MOBP: variants seen among roughly 807,000 people sequenced by gnomAD.
MOBP encodes the protein myelin-associated oligodendrocyte basic protein.
MOBP carries 5 observed loss-of-function variants against 15.0 expected under a neutral mutation model. The observed-to-expected ratio is 0.33, with a 90% CI of 0.17 to 0.70. MOBP has a LOEUF of 0.70. MOBP is among the 30% of genes least tolerant of loss of function. The pLI, the probability that MOBP is intolerant of heterozygous loss-of-function variation, is 0.67. For missense variants in MOBP, 188 were observed against 257.8 expected (o/e 0.73, Z 1.85); for synonymous variants, 88 against 99.0 (o/e 0.89, Z 0.66).
chr3:39,491,191 C>T (rs7624855), intron 2 of MOBP, among the ~76,000 whole-genome samples: 9,079 of 152,158 alleles, frequency 0.06, 768 homozygotes, highest in African/African-American at 0.18. Flanking sequence ...TGATGTCATC[C>T]TCTGGACTGT....
At chr3:39,497,561 G>T (rs1348793973) in intron 2 of MOBP, among the ~76,000 whole-genome samples, 1 of 152,160 alleles carries the variant, frequency 6.6e-6, no homozygotes, top group Admixed American at 6.5e-5. Context: ...CACAGATGTG[G>T]ATTCAAATCC....
At chr3:39,513,770 G>A in exon 5 of MOBP, 1 of 275,838 alleles carries the variant, frequency 3.6e-6, no homozygotes, top group Non-Finnish European at 6.7e-6. Context: ...GGTCAGGGTG[G>A]CTCAAGTGCC....
chr3:39,517,808 G>A (rs1433776499), downstream of MOBP: 2 of 152,168 alleles, frequency 1.3e-5, no homozygotes, highest in East Asian at 3.8e-4. Context: ...ACACAGATGA[G>A]GAAACAGTCC....
chr3:39,520,056 T>C (rs2043247702), downstream of MOBP, among the ~76,000 whole-genome samples: 1 of 152,068 alleles, frequency 6.6e-6, no homozygotes, highest in Non-Finnish European at 1.5e-5. Context: ...ATATTCTTAT[T>C]GCTCTGGACT....
chr3:39,495,705 A>G (rs1327163886), intron 2 of MOBP, among the ~76,000 whole-genome samples: 3 of 142,132 alleles, frequency 2.1e-5, no homozygotes, highest in Non-Finnish European at 4.5e-5. Context: ...GTGAACTGTG[A>G]TTGCACCACT....
At chr3:39,506,082 C>G (rs542882307), downstream of MOBP, among the ~76,000 whole-genome samples, 21 of 152,238 alleles carry the variant, frequency 1.4e-4, no homozygotes, top group South Asian at 3.9e-3. Flanking sequence ...ATCTTCCAAC[C>G]TCTTATCTCC....
chr3:39,495,598 A>C (rs2042866792), intron 2 of MOBP, among the ~76,000 whole-genome samples: 1 of 151,792 alleles, frequency 6.6e-6, no homozygotes, highest in Non-Finnish European at 1.5e-5. Flanking sequence ...CAGAAGAAAA[A>C]AAAAATTAGC....
intron 3 of MOBP, among the ~76,000 whole-genome samples, chr3:39,522,382 C>T (rs1160096763): frequency 6.6e-6 from 1 of 152,218 alleles, no homozygotes; most frequent in Admixed American, 6.5e-5. Context: ...GTCTCCACCA[C>T]TAGAATGTAA....
At chr3:39,482,046 A>G (rs1575290639) in intron 2 of MOBP, among the ~76,000 whole-genome samples, 1 of 152,186 alleles carries the variant, frequency 6.6e-6, no homozygotes, top group East Asian at 1.9e-4. Context: ...TTCACATGAC[A>G]TCTTCATCTA....
chr3:39,501,888 A>G (rs2042974560), intron 2 of MOBP, among the ~76,000 whole-genome samples, 178 bp from the exon 3 acceptor site: 1 of 152,166 alleles, frequency 6.6e-6, no homozygotes, highest in South Asian at 2.1e-4. Flanking sequence ...ATGAACTGTT[A>G]GTTGAGTTCC....
chr3:39,482,639 G>A (rs1170880757), intron 2 of MOBP, among the ~76,000 whole-genome samples: 3 of 124,200 alleles, frequency 2.4e-5, no homozygotes, highest in Admixed American at 9.0e-5. Flanking sequence ...GCAACAGAGC[G>A]ACACTCTGTC....
chr3:39,488,320 AGACTGAACATGTCTAAGATTGAACTCTT>A (rs1333613839), intron 2 of MOBP, among the ~76,000 whole-genome samples: 1 of 152,186 alleles, frequency 6.6e-6, no homozygotes, highest in Non-Finnish European at 1.5e-5. Context: ...GAAGTATCTC[AGACTGAACATGTCTAAGATTGAACTCTT>A]GATTCTTTTC....
At chr3:39,486,011 G>A (rs1324538642) in intron 2 of MOBP, among the ~76,000 whole-genome samples, 1 of 152,044 alleles carries the variant, frequency 6.6e-6, no homozygotes, top group Non-Finnish European at 1.5e-5. Flanking sequence ...TTATATGTTG[G>A]AATATTTTCT....
chr3:39,517,535 AT>A (rs1266233563), downstream of MOBP, among the ~76,000 whole-genome samples: 3 of 152,234 alleles, frequency 2.0e-5, no homozygotes, highest in Non-Finnish European at 4.4e-5. Context: ...CTTCATATAG[AT>A]AAAGGATTCC....
chr3:39,516,054 T>C (rs948760742), downstream of MOBP: 2 of 152,238 alleles, frequency 1.3e-5, no homozygotes, highest in African/African-American at 4.8e-5. Flanking sequence ...AAAGTTCAGA[T>C]ATTTTTAAGA....
At chr3:39,507,057 A>G (rs2043058052), downstream of MOBP, among the ~76,000 whole-genome samples, 1 of 152,110 alleles carries the variant, frequency 6.6e-6, no homozygotes, top group Non-Finnish European at 1.5e-5. Flanking sequence ...GAGGTCCCCT[A>G]GGGTTCCCTA....
At chr3:39,516,371 C>G (rs2043202701), downstream of MOBP, among the ~76,000 whole-genome samples, 1 of 152,072 alleles carries the variant, frequency 6.6e-6, no homozygotes, top group Admixed American at 6.5e-5. Context: ...CCAAATCAGG[C>G]TCAGATGAGA....
chr3:39,499,668 A>G (rs772043620), intron 2 of MOBP: 14 of 194,110 alleles, frequency 7.2e-5, no homozygotes, highest in African/African-American at 1.4e-4. Context: ...TGTGTCTCAG[A>G]CCCATGAGAT....
chr3:39,504,523 G>T (rs2043024546), downstream of MOBP, among the ~76,000 whole-genome samples: 1 of 22,298 alleles, frequency 4.5e-5, no homozygotes, highest in Non-Finnish European at 3.4e-4. Flanking sequence ...ATTTCAGTGG[G>T]TATCAGAAGG....
Sources: gnomAD v4.1 joint callset for allele counts (sites outside exome capture counted in the v4.1 genomes callset) on GRCh38, gnomAD v4.1.1 for gene constraint, MANE v1.5 for transcripts, NCBI Gene and HGNC (gene_info 2026-07-23, HGNC 2026-07-21) for gene names.